DST: variants seen among roughly 807,000 people sequenced by gnomAD.
DST encodes bullous pemphigoid antigen.
Under a neutral mutation model 875.2 loss-of-function variants are expected in DST, and 253 were observed. The observed-to-expected ratio is 0.29, with a 90% CI of 0.26 to 0.32. The LOEUF (loss-of-function observed/expected upper bound fraction) is 0.32, where lower values mean the gene tolerates loss of function less well. DST is among the 10% of genes least tolerant of loss of function. DST has a pLI of 1.00. For missense variants in DST, 8,287 were observed against 9,111.6 expected, an observed-to-expected ratio of 0.91 and a Z score of 3.68; for synonymous variants, 3,124 against 3,197.1, an observed-to-expected ratio of 0.98 and a Z score of 0.77.
intron 9 of DST, among the ~76,000 whole-genome samples, chr6:56,695,487 C>T (rs1292886053): frequency 6.6e-6 from 1 of 152,168 alleles, no homozygotes; most frequent in Non-Finnish European, 1.5e-5. Flanking sequence ...ACTTAGTCTG[C>T]CTGGTTACTG....
intron 10 of DST, among the ~76,000 whole-genome samples, chr6:56,660,831 A>AT: frequency 6.6e-6 from 1 of 151,528 alleles, no homozygotes; most frequent in Non-Finnish European, 1.5e-5. Context: ...GAAACAGTAT[A>AT]TTTTTTTCTA....
At chr6:56,785,892 T>G (rs1037556783) in intron 4 of DST, 1 of 152,706 alleles carries the variant, frequency 6.5e-6, no homozygotes, top group African/African-American at 2.4e-5. Flanking sequence ...TGATCTTGTT[T>G]GTAACTGTTT....
chr6:56,516,162 AAAG>A (rs777573099), intron 71 of DST, among the ~76,000 whole-genome samples: 38,111 of 137,732 alleles, frequency 0.28, 6,365 homozygotes, highest in East Asian at 0.52. Context: ...AGAAAGAGAG[AAAG>A]AGAAAGAGAA....
intron 103 of DST, 132 bp from the exon 104 acceptor site, chr6:56,459,399 G>T: frequency 1.1e-6 from 1 of 878,956 alleles, no homozygotes; most frequent in Non-Finnish European, 1.7e-6. Flanking sequence ...AACAGTTGTG[G>T]ATTCACAGCC....
rs547299475 is a variant in DST, at chr6:56,476,460, T to C, written c.21676-123A>G. ...TCCTGAGCTAGACCCATAATGCTTC[T>C]GGTCTTTTTAGATTCCATTAGTGGC... is the stretch of plus-strand genomic sequence containing the variant. On this transcript the variant is annotated intron_variant, in intron 91 of 103. Transcript: ENST00000680361. 6 of 850,514 alleles carry C rather than the reference T, an allele frequency of 7.1e-6. No homozygotes were observed. In the East Asian group the frequency reaches 8.5e-5, roughly 12 times the overall value. 52.7% of individuals were successfully genotyped at this position (850,514 alleles called of 1,614,324 possible).
intron 60 of DST, among the ~76,000 whole-genome samples, chr6:56,554,184 A>G (rs1424936105): frequency 7.2e-6 from 1 of 139,844 alleles, no homozygotes; most frequent in Non-Finnish European, 1.5e-5. Flanking sequence ...TCCTGGGTTC[A>G]CACCATTCTC....
rs1422794925 is a variant in DST, at chr6:56,528,893, T to G, written c.17628A>C (p.Gln5876His). The G allele has an allele frequency of 6.3e-7, 1 of 1,586,892 alleles. No individual in the cohort carries two copies. The highest frequency in any genetic ancestry group is 1.1e-5 in the South Asian group (1 of 87,008). ...VLQEDILLRK[Q>H]NVDQALLNGL... is the part of the protein sequence containing the mutation. ...CATTTAGTAAAGCCTGATCTACATT[T>G]TGTTTCCTGAGTAAGATGTCCTCTT... The change falls in exon 67 of 104, where the codon CAA becomes CAC. Residue 5876 changes from glutamine (Q) to histidine (H), a missense_variant. By Grantham distance (24) the Gln-to-His change is conservative (BLOSUM62 0). Transcript: ENST00000680361.
chr6:56,949,608 A>G (rs1479291425), intron 2 of DST, among the ~76,000 whole-genome samples: 2 of 152,232 alleles, frequency 1.3e-5, no homozygotes, highest in Non-Finnish European at 2.9e-5. Flanking sequence ...GAAAGAGAAA[A>G]TAAATGTGTT....
At chr6:56,725,743 T>C (rs2099452494) in intron 5 of DST, among the ~76,000 whole-genome samples, 1 of 152,162 alleles carries the variant, frequency 6.6e-6, no homozygotes, top group African/African-American at 2.4e-5. Flanking sequence ...CCAGTTCTTG[T>C]TCTACATTGT....
intron 66 of DST, 26 bp from the exon 67 acceptor site, chr6:56,528,951 G>A (rs1216152400): frequency 2.8e-6 from 4 of 1,450,956 alleles, no homozygotes; most frequent in Admixed American, 3.9e-5. Flanking sequence ...CCATTTTTAT[G>A]TGGGGGGAAA....
chr6:56,866,634 C>T (rs1774254835), intron 3 of DST, among the ~76,000 whole-genome samples: 1 of 152,206 alleles, frequency 6.6e-6, no homozygotes, highest in South Asian at 2.1e-4. Context: ...TCACCAATTA[C>T]TCTATGCCCC....
In DST at chr6:56,476,335, C is replaced by T. The variant is rs1259557499; in HGVS notation, c.21678G>A (p.Val7226=). The part of the protein sequence containing the change: ...ITIIRARFEE[V]LAWAKQHQQR... ...GCTGATGTTGCTTTGCCCAGGCCAG[C>T]ACCTGTCAGAGAAACAGAAATTTCT... is the stretch of plus-strand genomic sequence containing the variant. The change falls in exon 92 of 104, where the codon GTG becomes GTA. Residue 7226 remains valine (V), a splice_region_variant and synonymous_variant. Transcript: ENST00000680361. 6 of 1,564,488 alleles carry T rather than the reference C, an allele frequency of 3.8e-6. No individual in the cohort carries two copies. The highest frequency in any genetic ancestry group is 5.2e-6 in the Non-Finnish European group (6 of 1,155,792).
At chr6:56,530,171 T>C in intron 64 of DST, 38 bp from the exon 65 acceptor site, 1 of 1,477,180 alleles carries the variant, frequency 6.8e-7, no homozygotes. Context: ...GGATGAAGAA[T>C]GTGTGAAATA....
intron 49 of DST, among the ~76,000 whole-genome samples, chr6:56,587,073 C>T (rs200967412): frequency 1.3e-5 from 2 of 152,144 alleles, no homozygotes; most frequent in Non-Finnish European, 2.9e-5. Context: ...ATGACTTTGA[C>T]GAGTTGAGAG....
intron 4 of DST, among the ~76,000 whole-genome samples, chr6:56,779,320 C>A (rs930610174): frequency 3.9e-5 from 6 of 152,070 alleles, no homozygotes; most frequent in Admixed American, 1.3e-4. Flanking sequence ...AAAAATTTCT[C>A]CCATTCTGTA....
chr6:56,830,292 A>G (rs1451099266), intron 4 of DST, among the ~76,000 whole-genome samples: 1 of 152,206 alleles, frequency 6.6e-6, no homozygotes, highest in Non-Finnish European at 1.5e-5. Flanking sequence ...TATTAAGTGC[A>G]TCTGCAGGAT....
chr6:56,510,454 A>G (rs1483338738), intron 73 of DST, among the ~76,000 whole-genome samples: 1 of 152,210 alleles, frequency 6.6e-6, no homozygotes, highest in Non-Finnish European at 1.5e-5. Flanking sequence ...AACTTCTGAT[A>G]TAACAGAAGT....
chr6:56,663,879 T>G (rs2099057708), intron 10 of DST, among the ~76,000 whole-genome samples: 1 of 152,140 alleles, frequency 6.6e-6, no homozygotes. Context: ...TTCCCAAAAT[T>G]TTGAGTCTTA....
chr6:56,792,010 G>A (rs76751090), intron 4 of DST, among the ~76,000 whole-genome samples: 1,858 of 152,060 alleles, frequency 0.012, 50 homozygotes, highest in African/African-American at 0.043. Flanking sequence ...GAAACATCTC[G>A]TTGTGCCAAA....
Sources: allele counts gnomAD v4.1 joint callset (sites outside exome capture counted in the v4.1 genomes callset), GRCh38; gene constraint gnomAD v4.1.1; transcripts MANE v1.5; gene names NCBI Gene and HGNC (gene_info 2026-07-23, HGNC 2026-07-21).